The following FBXL17 variants were observed in gnomAD, a reference collection of about 807,000 sequenced individuals.
FBXL17 encodes the protein F-box/LRR-repeat protein 17.
FBXL17 carries 22 observed loss-of-function variants against 66.2 expected under a neutral mutation model. That is an observed-to-expected ratio of 0.33 (90% CI 0.24 to 0.47). The LOEUF (loss-of-function observed/expected upper bound fraction) is 0.47. Ranked by LOEUF, FBXL17 falls within the 20% of genes least tolerant of loss-of-function variation. The pLI is 1.00. For synonymous variants in FBXL17, 474 were observed against 400.5 expected, an observed-to-expected ratio of 1.18 and a Z score of -2.19; for missense variants, 878 against 948.2, an observed-to-expected ratio of 0.93 and a Z score of 0.97.
chr5:108,082,116 G>C (rs1320209587), intron 6 of FBXL17, among the ~76,000 whole-genome samples: 1 of 151,932 alleles, frequency 6.6e-6, no homozygotes, highest in East Asian at 1.9e-4. Context: ...TATGACCTTT[G>C]GAAAGTTACT....
intron 7 of FBXL17, among the ~76,000 whole-genome samples, chr5:107,885,765 T>C (rs1018319094): frequency 6.6e-6 from 1 of 152,014 alleles, no homozygotes; most frequent in Non-Finnish European, 1.5e-5. Flanking sequence ...AGGAGAAGCA[T>C]AAACCAGAAA....
At chr5:108,035,555 C>T (rs1417810977) in intron 6 of FBXL17, among the ~76,000 whole-genome samples, 2 of 151,934 alleles carry the variant, frequency 1.3e-5, no homozygotes, top group Non-Finnish European at 2.9e-5. Context: ...TTAGTAGAGA[C>T]GGAGTTTCTC....
intron 1 of FBXL17, among the ~76,000 whole-genome samples, chr5:108,380,202 G>A (rs546184184): frequency 6.6e-5 from 10 of 152,068 alleles, no homozygotes; most frequent in Non-Finnish European, 1.2e-4. Context: ...ATCTCGAAGC[G>A]TTAACTAGAT....
At chr5:107,941,582 C>T (rs1471509652) in intron 7 of FBXL17, among the ~76,000 whole-genome samples, 1 of 152,122 alleles carries the variant, frequency 6.6e-6, no homozygotes, top group Non-Finnish European at 1.5e-5. Flanking sequence ...AACTTTAGTG[C>T]TTGGGAACGT....
Position 107,872,319 on chromosome 5 carries a change from T to C in FBXL17, c.1965+8718A>G, listed in dbSNP as rs144487617. ...AGCTGCCGTCACAACCCCCCAGCTA[T>C]ATAGAATTCATATGAAATCCAAGGG... On this transcript the variant is annotated intron_variant, in intron 8 of 8. Coordinates refer to ENST00000542267, the MANE Select transcript of FBXL17 (RefSeq NM_001163315.3). Among the ~76,000 whole-genome samples, 412 of 152,268 alleles carry C rather than the reference T, an allele frequency of 2.7e-3. 1 individual carries two copies. Among genetic ancestry groups the C allele is most frequent in the African/African-American group, 9.6e-3 (400 of 41,530 alleles).
intron 7 of FBXL17, among the ~76,000 whole-genome samples, chr5:107,965,477 G>C (rs1361526508): frequency 6.6e-6 from 1 of 152,064 alleles, no homozygotes; most frequent in African/African-American, 2.4e-5. Context: ...TTAAAATAGA[G>C]GTCAATGAGT....
chr5:108,375,337 C>G lies in FBXL17; in HGVS notation c.993+5362G>C, dbSNP rs1007598276. ...ATAGCTATAAGCTATGATCACACCA[C>G]TGCACTCAAGCCTGGGTGACAGAGA... On this transcript the variant is annotated intron_variant, in intron 1 of 8. Coordinates refer to ENST00000542267, the MANE Select transcript of FBXL17 (RefSeq NM_001163315.3). Among the ~76,000 whole-genome samples, 9 of 150,264 alleles carry G rather than the reference C, an allele frequency of 6.0e-5. No homozygotes were observed. In the East Asian group the frequency reaches 1.8e-3, roughly 30 times the overall value.
At chr5:108,104,880 GC>G (rs1448162284) in intron 6 of FBXL17, among the ~76,000 whole-genome samples, 6 of 152,060 alleles carry the variant, frequency 3.9e-5, no homozygotes, top group Non-Finnish European at 7.4e-5. Context: ...TCGCTCTGTT[GC>G]CCAGGCTTGG....
Position 107,935,766 on chromosome 5 carries a change from CT to C in FBXL17, c.1823-54588del, listed in dbSNP as rs149534492. On this transcript the variant is annotated intron_variant, in intron 7 of 8. Transcript: ENST00000542267. ...GTCTGAATAGAAATGCCAGCACCAG[CT>C]TGTCCAATAGGTTCACAAGATCTCA... Among the ~76,000 whole-genome samples the C allele has an allele frequency of 1.2e-3, 183 of 152,220 alleles. 2 individuals carry two copies. In the East Asian group the frequency reaches 0.033, roughly 27 times the overall value.
chr5:108,240,940 GA>G (rs1393531578), intron 4 of FBXL17, among the ~76,000 whole-genome samples: 8 of 152,136 alleles, frequency 5.3e-5, no homozygotes, highest in Non-Finnish European at 8.8e-5. Flanking sequence ...ATAATTCACA[GA>G]ATTCTTCCAG....
At chr5:108,096,015 A>G (rs1249349317) in intron 6 of FBXL17, among the ~76,000 whole-genome samples, 1 of 152,218 alleles carries the variant, frequency 6.6e-6, no homozygotes, top group Non-Finnish European at 1.5e-5. Context: ...AAACAGCATG[A>G]TTACCATATC....
intron 7 of FBXL17, among the ~76,000 whole-genome samples, chr5:107,913,361 AG>A (rs1750013993): frequency 1.3e-5 from 2 of 152,164 alleles, no homozygotes; most frequent in Admixed American, 6.6e-5. Flanking sequence ...AGTAGGGCAG[AG>A]GAGATGGGAT....
chr5:108,221,891 G>A (rs1754881624), intron 5 of FBXL17, among the ~76,000 whole-genome samples: 1 of 152,102 alleles, frequency 6.6e-6, no homozygotes, highest in Non-Finnish European at 1.5e-5. Context: ...GTCCTCTTTT[G>A]CCTTTACTTG....
chr5:108,007,367 G>T (rs866798936), intron 7 of FBXL17, among the ~76,000 whole-genome samples: 88 of 152,252 alleles, frequency 5.8e-4, no homozygotes, highest in Middle Eastern at 6.8e-3. Context: ...AAACGCATTT[G>T]TGAGACAGAC....
At chr5:107,875,467 A>C (rs1748592871) in intron 8 of FBXL17, among the ~76,000 whole-genome samples, 1 of 152,190 alleles carries the variant, frequency 6.6e-6, no homozygotes. Context: ...TTACTTCCTG[A>C]AATATGCAGT....
chr5:108,085,493 T>G (rs1179900247), intron 6 of FBXL17, among the ~76,000 whole-genome samples: 1 of 152,214 alleles, frequency 6.6e-6, no homozygotes, highest in Non-Finnish European at 1.5e-5. Flanking sequence ...GCTAAGCTAA[T>G]TATTCTTCTT....
intron 6 of FBXL17, among the ~76,000 whole-genome samples, chr5:108,044,484 C>T (rs750908245): frequency 2.6e-4 from 40 of 152,056 alleles, no homozygotes; most frequent in Non-Finnish European, 5.0e-4. Context: ...CCTTGAATCC[C>T]GGGAATAAAT....
chr5:108,328,493 A>T (rs897092394), intron 4 of FBXL17, among the ~76,000 whole-genome samples: 6 of 152,074 alleles, frequency 3.9e-5, no homozygotes, highest in African/African-American at 1.4e-4. Flanking sequence ...ATTGTTTGTG[A>T]TGGGAAAAAA....
In FBXL17 at chr5:108,101,362, A is replaced by G. The variant is rs552752302; in HGVS notation, c.1746-80361T>C. Among the ~76,000 whole-genome samples the G allele has an allele frequency of 7.2e-5, 11 of 152,378 alleles. No individual in the cohort carries two copies. In the South Asian group the frequency reaches 2.3e-3, roughly 32 times the overall value. ...ATCATACTGACACAGGGCCTGTGCC[A>G]GGACATTTAAGCCTTTCGATGTTCC... is the stretch of plus-strand genomic sequence containing the variant. On this transcript the variant is annotated intron_variant, in intron 6 of 8. Coordinates refer to ENST00000542267, the MANE Select transcript of FBXL17 (RefSeq NM_001163315.3).
Sources: gnomAD v4.1 joint callset for allele counts (sites outside exome capture counted in the v4.1 genomes callset) on GRCh38, gnomAD v4.1.1 for gene constraint, MANE v1.5 for transcripts, NCBI Gene and HGNC (gene_info 2026-07-23, HGNC 2026-07-21) for gene names.